Variants in MCPH1 observed in about 807,000 individuals in gnomAD.
The protein encoded by MCPH1 is microcephalin.
A neutral mutation model predicts 84.5 loss-of-function variants in MCPH1; 104 were observed. That is an observed-to-expected ratio of 1.23 (90% CI 1.05 to 1.45). The LOEUF is 1.45. Among genes scored for constraint, MCPH1 ranks in the 40% most tolerant of loss-of-function variants. The pLI is 0.00. For synonymous variants in MCPH1, 514 were observed against 366.8 expected (o/e 1.40, Z -4.58); for missense variants, 1,498 against 1,005.7 (o/e 1.49, Z -6.62).
At chr8:6,476,013 G>T (rs1373173806) in intron 9 of MCPH1, among the ~76,000 whole-genome samples, 1 of 152,124 alleles carries the variant, frequency 6.6e-6, no homozygotes, top group Non-Finnish European at 1.5e-5. Flanking sequence ...GGTATGAGAA[G>T]GTTAAACTTA....
intron 12 of MCPH1, among the ~76,000 whole-genome samples, chr8:6,598,745 T>G (rs1446274172): frequency 6.6e-6 from 1 of 152,214 alleles, no homozygotes; most frequent in Non-Finnish European, 1.5e-5. Flanking sequence ...GGCTCCCCCC[T>G]GCGTGGTGGG....
chr8:6,584,063 G>A (rs1264067375), intron 12 of MCPH1, among the ~76,000 whole-genome samples: 1 of 152,024 alleles, frequency 6.6e-6, no homozygotes, highest in Non-Finnish European at 1.5e-5. Context: ...CACTCTCTTT[G>A]ATCACCTTCA....
intron 12 of MCPH1, among the ~76,000 whole-genome samples, chr8:6,575,215 A>C (rs1826972677): frequency 6.6e-6 from 1 of 152,236 alleles, no homozygotes; most frequent in Non-Finnish European, 1.5e-5. Flanking sequence ...GATTAATCTC[A>C]ATGCCAGCCT....
At chr8:6,422,967 C>T (rs1003659196) in intron 3 of MCPH1, among the ~76,000 whole-genome samples, 2 of 151,156 alleles carry the variant, frequency 1.3e-5, no homozygotes, top group African/African-American at 2.4e-5. Context: ...GGATTACAGG[C>T]GTGAGCCACT....
At chr8:6,501,787 C>G (rs1221829620) in intron 12 of MCPH1, 1 of 152,174 alleles carries the variant, frequency 6.6e-6, no homozygotes, top group South Asian at 2.1e-4. Context: ...GAACTCCTGA[C>G]CTCAGGTGAT....
intron 12 of MCPH1, among the ~76,000 whole-genome samples, chr8:6,534,191 C>T (rs939134971): frequency 6.6e-6 from 1 of 151,298 alleles, no homozygotes; most frequent in Non-Finnish European, 1.5e-5. Context: ...TTCAACCACA[C>T]CATCAATATA....
At chr8:6,636,596 C>T (rs1272415207) in intron 13 of MCPH1, among the ~76,000 whole-genome samples, 1 of 152,210 alleles carries the variant, frequency 6.6e-6, no homozygotes, top group Non-Finnish European at 1.5e-5. Flanking sequence ...CTTCCCACCT[C>T]AGCCTCCGTT....
intron 12 of MCPH1, among the ~76,000 whole-genome samples, chr8:6,524,277 T>C (rs1817927768): frequency 6.6e-6 from 1 of 152,234 alleles, no homozygotes; most frequent in African/African-American, 2.4e-5. Context: ...TGTTTCAGAA[T>C]TATTTTCTGT....
At chr8:6,452,890 G>A (rs932324270) in intron 8 of MCPH1, among the ~76,000 whole-genome samples, 1 of 152,234 alleles carries the variant, frequency 6.6e-6, no homozygotes, top group Non-Finnish European at 1.5e-5. Flanking sequence ...AGGAAGAGCA[G>A]CTAAAGAGTG....
At chr8:6,422,431 A>G (rs1434054800) in intron 3 of MCPH1, among the ~76,000 whole-genome samples, 1 of 152,214 alleles carries the variant, frequency 6.6e-6, no homozygotes, top group African/African-American at 2.4e-5. Context: ...GTAAATGGAG[A>G]TGCATGGACA....
At chr8:6,572,574 T>C (rs898679494) in intron 12 of MCPH1, among the ~76,000 whole-genome samples, 3 of 152,234 alleles carry the variant, frequency 2.0e-5, no homozygotes, top group Admixed American at 1.3e-4. Flanking sequence ...CATATACAGA[T>C]GTTAAAGACC....
intron 3 of MCPH1, among the ~76,000 whole-genome samples, chr8:6,430,138 A>G (rs1801629074): frequency 6.6e-6 from 1 of 152,138 alleles, no homozygotes. Flanking sequence ...TCTGACCTGA[A>G]GCTTTCTCTG....
chr8:6,637,827 G>C (rs540690122), intron 13 of MCPH1, among the ~76,000 whole-genome samples: 25 of 152,256 alleles, frequency 1.6e-4, no homozygotes, highest in Middle Eastern at 6.8e-3. Context: ...CAGGTGATTA[G>C]TGATGGGGGT....
chr8:6,647,874 A>G lies in MCPH1; in HGVS notation c.*4825A>G, dbSNP rs890184508. 1 of 152,234 alleles carries G rather than the reference A, an allele frequency of 6.6e-6. No individual in the cohort carries two copies. The highest frequency in any genetic ancestry group is 1.5e-5 in the Non-Finnish European group (1 of 68,048). The allele number at this position is 152,234 out of a possible 1,614,324, so 9.4% of individuals were successfully genotyped here. On this transcript the variant is annotated 3_prime_UTR_variant, in exon 14 of 14. Transcript: ENST00000344683. ...TAAAATCAATGAACAGAACACTTTT[A>G]ATGGGTAAGCCTTAAGGCATGTGAA... is the stretch of plus-strand genomic sequence containing the variant.
chr8:6,480,762 A>G lies in MCPH1; in HGVS notation c.2022A>G (p.Ser674=). 6.2e-7 allele frequency: 1 copy of G among 1,614,200 alleles called. No homozygotes were observed. The highest frequency in any genetic ancestry group is 8.5e-7 in the Non-Finnish European group (1 of 1,180,032). Residue 674 remains serine, a synonymous_variant, in exon 11 of 14, where the codon TCA becomes TCG. Coordinates refer to ENST00000344683, the MANE Select transcript of MCPH1 (RefSeq NM_024596.5). ...IQVVDKLKGF[S]IAPDVCETTT... is the part of the protein sequence containing the mutation. ...TTGTGGATAAATTGAAAGGCTTTTC[A>G]ATTGCACCAGACGTCTGTGAGACCA...
rs572025326 is a variant in MCPH1, at chr8:6,583,644, G to T, written c.2215-37810G>T. Among the ~76,000 whole-genome samples the T allele has an allele frequency of 5.9e-5, 9 of 152,318 alleles. No homozygotes were observed. In the East Asian group the frequency reaches 1.5e-3, roughly 26 times the overall value. On this transcript the variant is annotated intron_variant, in intron 12 of 13. Coordinates refer to ENST00000344683, the MANE Select transcript of MCPH1 (RefSeq NM_024596.5). ...CCAAGGGAGGAGCTGGCCTGGAGTAGTGAGGGCAAGGTGATTGCAAATGAG... is the reference window on the plus strand; with the variant it reads ...CCAAGGGAGGAGCTGGCCTGGAGTATTGAGGGCAAGGTGATTGCAAATGAG...
chr8:6,515,168 T>C (rs1189025441), intron 12 of MCPH1, among the ~76,000 whole-genome samples: 1 of 151,930 alleles, frequency 6.6e-6, no homozygotes. Context: ...TAGAAAACCA[T>C]TGACTTGTGT....
chr8:6,505,974 C>G lies in MCPH1; in HGVS notation c.2214+6045C>G, dbSNP rs376270281. 8.2e-3 allele frequency among the ~76,000 whole-genome samples: 10 copies of G among 1,220 alleles called. 4 individuals are homozygous for G. Among genetic ancestry groups the G allele is most frequent in the Non-Finnish European group, 0.035 (10 of 284 alleles). The allele number at this position is 1,220 out of a possible 152,430, so 0.8% of individuals were successfully genotyped here. ...ATGTATATATAAAAACATACATATTCTTTGTATATATAAAAACATATACAT... is the reference window on the plus strand; with the variant it reads ...ATGTATATATAAAAACATACATATTGTTTGTATATATAAAAACATATACAT... On this transcript the variant is annotated intron_variant, in intron 12 of 13. Transcript: ENST00000344683.
At chr8:6,427,032 A>T (rs1337140515) in intron 3 of MCPH1, among the ~76,000 whole-genome samples, 3 of 152,224 alleles carry the variant, frequency 2.0e-5, no homozygotes, top group Non-Finnish European at 4.4e-5. Context: ...GCTACTGCAC[A>T]CCTAGGCTCT....
Sources: gnomAD v4.1 joint callset for allele counts (sites outside exome capture counted in the v4.1 genomes callset) on GRCh38, gnomAD v4.1.1 for gene constraint, MANE v1.5 for transcripts, NCBI Gene and HGNC (gene_info 2026-07-23, HGNC 2026-07-21) for gene names.